RAB5B: variants seen among roughly 807,000 people sequenced by gnomAD.
RAB5B encodes the protein RAB5B, member RAS oncogene family.
A neutral mutation model predicts 28.6 loss-of-function variants in RAB5B; 11 were observed. That is an observed-to-expected ratio of 0.38 (90% CI 0.24 to 0.64). RAB5B has a LOEUF of 0.64. Ranked by LOEUF, RAB5B falls within the 30% of genes least tolerant of loss-of-function variation. The pLI is 0.53. For missense variants in RAB5B, 169 were observed against 265.6 expected (o/e 0.64, Z 2.53); for synonymous variants, 93 against 97.9 (o/e 0.95, Z 0.29).
intron 1 of RAB5B, among the ~76,000 whole-genome samples, chr12:55,975,202 G>T (rs1416944363): frequency 1.3e-5 from 2 of 152,184 alleles, no homozygotes; most frequent in Non-Finnish European, 2.9e-5. Context: ...GCCATCAGGA[G>T]ATCTTCTGAT....
chr12:55,977,577 G>C (rs1889681454), intron 1 of RAB5B, among the ~76,000 whole-genome samples: 1 of 152,186 alleles, frequency 6.6e-6, no homozygotes, highest in African/African-American at 2.4e-5. Flanking sequence ...AGGAGGCATA[G>C]GGTAGAAGAA....
intron 5 of RAB5B, 85 bp downstream of exon 5, chr12:55,991,538 G>A (rs1890122109): frequency 2.6e-6 from 3 of 1,156,110 alleles, no homozygotes; most frequent in Non-Finnish European, 3.9e-6. Flanking sequence ...ATAGGTGCGA[G>A]TATCTCCTTT....
At chr12:55,989,560 G>C (rs576477338) in intron 2 of RAB5B, among the ~76,000 whole-genome samples, 11 of 152,302 alleles carry the variant, frequency 7.2e-5, no homozygotes, top group Middle Eastern at 6.8e-3. Flanking sequence ...GATTACAGGC[G>C]TGAGCTACCG....
intron 1 of RAB5B, chr12:55,985,653 A>T (rs1889932247): frequency 2.2e-6 from 1 of 455,460 alleles, no homozygotes; most frequent in Non-Finnish European, 4.4e-6. Flanking sequence ...GTATTCTTTC[A>T]TCAAATACTG....
Position 55,992,251 on chromosome 12 carries a change from A to G in RAB5B, c.*39A>G. On this transcript the variant is annotated 3_prime_UTR_variant, in exon 6 of 6. Transcript: ENST00000360299. ...AGCAAACAAGTATGGAGCTAGCACA[A>G]GAGCTAAGAAATAACCTCCATCCCT... is the stretch of plus-strand genomic sequence containing the variant. 1 of 1,520,608 alleles carries G rather than the reference A, an allele frequency of 6.6e-7. No homozygotes were observed. The highest frequency in any genetic ancestry group is 9.1e-7 in the Non-Finnish European group (1 of 1,097,298). The allele number at this position is 1,520,608 out of a possible 1,614,324, so 94.2% of individuals were successfully genotyped here. A position where few individuals can be genotyped will look rare whatever the true frequency, so the allele number is the denominator to read the frequency against.
intron 1 of RAB5B, chr12:55,980,358 T>C: frequency 7.7e-7 from 1 of 1,295,802 alleles, no homozygotes; most frequent in Non-Finnish European, 1.1e-6. Context: ...TCTCCCCTGC[T>C]CACTCCCTCT....
In RAB5B at chr12:55,991,536, G is replaced by A. The variant is rs78200636; in HGVS notation, c.532+83G>A. ...GCTAACCCAAATCAAGGATAGGTGC[G>A]AGTATCTCCTTTTGCAAAAACTTTA... is the stretch of plus-strand genomic sequence containing the variant. On this transcript the variant is annotated intron_variant, in intron 5 of 5. Transcript: ENST00000360299. The A allele has an allele frequency of 4.9e-3, 5,671 of 1,167,240 alleles. 19 individuals are homozygous for A. Among genetic ancestry groups the A allele is most frequent in the Middle Eastern group, 5.7e-3 (29 of 5,120 alleles). 72.3% of individuals were successfully genotyped at this position (1,167,240 alleles called of 1,614,324 possible).
At chr12:55,976,969 G>T (rs1250078007) in intron 1 of RAB5B, among the ~76,000 whole-genome samples, 1 of 152,130 alleles carries the variant, frequency 6.6e-6, no homozygotes, top group Non-Finnish European at 1.5e-5. Context: ...AGACAGTTGT[G>T]TAGGAGTATG....
chr12:55,991,087 C>T (rs1890103732), intron 4 of RAB5B: 1 of 535,586 alleles, frequency 1.9e-6, no homozygotes, highest in South Asian at 2.3e-5. Context: ...TGGTAAGGGA[C>T]TATTCAAGTG....
intron 1 of RAB5B, chr12:55,980,921 A>G (rs1408210578): frequency 6.2e-7 from 1 of 1,613,258 alleles, no homozygotes; most frequent in Non-Finnish European, 8.5e-7. Context: ...GATGGTGGAG[A>G]TGTAAGTGTT....
chr12:55,991,131 C>T (rs2136490662), intron 4 of RAB5B: 1 of 551,004 alleles, frequency 1.8e-6, no homozygotes, highest in Non-Finnish European at 3.3e-6. Flanking sequence ...AACTTACCCT[C>T]TCCCCTATAA....
chr12:55,981,511 G>A (rs1226673933), intron 1 of RAB5B, among the ~76,000 whole-genome samples: 2 of 152,100 alleles, frequency 1.3e-5, no homozygotes, highest in East Asian at 1.9e-4. Flanking sequence ...TATATATACC[G>A]AGAACTCTGT....
At chr12:55,977,044 G>A (rs959076077) in intron 1 of RAB5B, among the ~76,000 whole-genome samples, 4 of 151,946 alleles carry the variant, frequency 2.6e-5, no homozygotes, top group East Asian at 1.9e-4. Flanking sequence ...GCATGATCTC[G>A]GCTCACTGCA....
At position 55,995,887 on chromosome 12, in the gene RAB5B, G is replaced by C. The variant is rs1485354502; in HGVS notation, c.*3675G>C. On this transcript the variant is annotated 3_prime_UTR_variant, in exon 6 of 6. Coordinates refer to ENST00000360299, the MANE Select transcript of RAB5B (RefSeq NM_002868.4). ...CTTCTCTGTATCTTCCTTTGGCTGA[G>C]ACTTTTTTTTTTTTAGGTTGAAGCT... 1 of 147,676 alleles carries C rather than the reference G, an allele frequency of 6.8e-6. No homozygotes were observed. Among genetic ancestry groups the C allele is most frequent in the Non-Finnish European group, 1.5e-5 (1 of 67,162 alleles). The allele number at this position is 147,676 out of a possible 1,614,324, so 9.1% of individuals were successfully genotyped here.
At chr12:55,975,626 AG>A (rs1889623118) in intron 1 of RAB5B, among the ~76,000 whole-genome samples, 1 of 151,378 alleles carries the variant, frequency 6.6e-6, no homozygotes, top group African/African-American at 2.4e-5. Flanking sequence ...AAAAAAAAAA[AG>A]ACAAAGATTG....
intron 1 of RAB5B, among the ~76,000 whole-genome samples, chr12:55,982,045 G>T (rs568437844): frequency 6.6e-6 from 1 of 151,700 alleles, no homozygotes; most frequent in South Asian, 2.1e-4. Context: ...TAGGTGATCC[G>T]CCCACCTCAG....
At chr12:55,991,524 A>C in intron 5 of RAB5B, 71 bp downstream of exon 5, 2 of 1,309,834 alleles carry the variant, frequency 1.5e-6, no homozygotes, top group Non-Finnish European at 2.2e-6. Context: ...AACCCAAATC[A>C]AGGATAGGTG....
chr12:55,985,395 G>A (rs551412315), intron 1 of RAB5B, among the ~76,000 whole-genome samples: 44 of 152,326 alleles, frequency 2.9e-4, no homozygotes, highest in Admixed American at 1.0e-3. Flanking sequence ...TTGGAAAAGC[G>A]AAAGAGTAAT....
chr12:55,982,396 T>A (rs1021973817), intron 1 of RAB5B, among the ~76,000 whole-genome samples: 2 of 152,146 alleles, frequency 1.3e-5, no homozygotes, highest in African/African-American at 4.8e-5. Context: ...ATAAACATGA[T>A]AAGATTAAAG....
Sources: allele counts gnomAD v4.1 joint callset (sites outside exome capture counted in the v4.1 genomes callset), GRCh38; gene constraint gnomAD v4.1.1; transcripts MANE v1.5; gene names NCBI Gene and HGNC (gene_info 2026-07-23, HGNC 2026-07-21).